Variants in TBX6 observed in about 807,000 individuals in gnomAD.
TBX6 encodes T-box transcription factor TBX6.
Under a neutral mutation model 42.3 loss-of-function variants are expected in TBX6, and 29 were observed. The observed-to-expected ratio is 0.69, with a 90% confidence interval of 0.51 to 0.93. The LOEUF is 0.93. TBX6 is among the 40% of genes least tolerant of loss of function. The pLI is 0.00. For missense variants in TBX6, 569 were observed against 603.3 expected (o/e 0.94, Z 0.59); for synonymous variants, 249 against 245.1 (o/e 1.02, Z -0.15).
At chr16:30,091,385 G>T in intron 1 of TBX6, 144 bp from the exon 2 acceptor site, 1 of 561,912 alleles carries the variant, frequency 1.8e-6, no homozygotes, top group Non-Finnish European at 3.1e-6. Flanking sequence ...TCGGATACCT[G>T]GGTACGGTCC....
chr16:30,091,041 T>TA (rs760907343), intron 2 of TBX6, 35 bp downstream of exon 2: 7 of 1,592,720 alleles, frequency 4.4e-6, no homozygotes, highest in Middle Eastern at 1.7e-4. Context: ...ACAGCCCCCC[T>TA]ATTCTCCTAC....
chr16:30,090,720 A>AC (rs1196234662), intron 3 of TBX6, 38 bp downstream of exon 3: 1 of 1,590,632 alleles, frequency 6.3e-7, no homozygotes, highest in African/African-American at 1.3e-5. Context: ...TTCCCAAGAG[A>AC]CCCCCACCAG....
Position 30,088,083 on chromosome 16 carries a change from C to T in TBX6, c.839+462G>A, listed in dbSNP as rs1156984966. 21 of 216,006 alleles carry T rather than the reference C, an allele frequency of 9.7e-5. No individual in the cohort carries two copies. Among genetic ancestry groups the T allele is most frequent in the South Asian group, 9.6e-4 (17 of 17,752 alleles). The allele number at this position is 216,006 out of a possible 1,614,324, so 13.4% of individuals were successfully genotyped here. A position where few individuals can be genotyped will look rare whatever the true frequency, so the allele number is the denominator to read the frequency against. ...CCTCCCAAGTAGTTGGGATTACAGG[C>T]GTTTGCCACCATGCCTGGCTAATTT... On this transcript the variant is annotated intron_variant, in intron 6 of 8. Coordinates refer to ENST00000395224, the MANE Select transcript of TBX6 (RefSeq NM_004608.4). The surrounding 1 kb of genome is among the most constrained non-coding windows in gnomAD (Gnocchi z 4.1).
rs373581281 is a variant in TBX6 at position 30,088,649 on chromosome 16, G to T, written c.769-34C>A. 2 of 1,614,084 alleles carry T rather than the reference G, an allele frequency of 1.2e-6. No homozygotes were observed. The highest frequency in any genetic ancestry group is 1.7e-5 in the Admixed American group (1 of 60,006). The stretch of plus-strand genomic sequence containing the variant: ...ACACATGCAGGGTCAAAGCAACTGC[G>T]GTCTGGGCAGGGGGCCACCACCCCC... On this transcript the variant is annotated intron_variant, in intron 5 of 8. Coordinates refer to ENST00000395224, the MANE Select transcript of TBX6 (RefSeq NM_004608.4). The surrounding 1 kb of genome is among the most constrained non-coding windows in gnomAD (Gnocchi z 4.1).
rs2151031404 is a variant in TBX6 at position 30,086,762 on chromosome 16, T to G, written c.913+16A>C. 1 of 1,613,862 alleles carries G rather than the reference T, an allele frequency of 6.2e-7. No individual in the cohort carries two copies. Among genetic ancestry groups the G allele is most frequent in the East Asian group, 2.2e-5 (1 of 44,868 alleles). ...TGTCTCAGGCCTGGCCCCATCGCCA[T>G]CGGGACTACACTCACCTCCGCTCCC... On this transcript the variant is annotated intron_variant, in intron 7 of 8. Transcript: ENST00000395224. The surrounding 1 kb of genome is among the most constrained non-coding windows in gnomAD (Gnocchi z 4.6).
chr16:30,085,985 C>G lies in TBX6; in HGVS notation c.*240G>C. On this transcript the variant is annotated 3_prime_UTR_variant, in exon 9 of 9. Transcript: ENST00000395224. ...GGCCAGGCAGAGCCCCTTCCATTCA[C>G]ACGGAGGTGAGAGCCGGGAAGGGGA... The G allele has an allele frequency of 1.9e-6, 1 of 521,492 alleles. No individual in the cohort carries two copies. Among genetic ancestry groups the G allele is most frequent in the Non-Finnish European group, 3.4e-6 (1 of 296,512 alleles). 32.3% of individuals were successfully genotyped at this position (521,492 alleles called of 1,614,324 possible).
In TBX6 at chr16:30,088,549, T is replaced by TA. The variant is rs754292378; in HGVS notation, c.834dup (p.Lys279Ter). The TA allele has an allele frequency of 2.5e-6, 4 of 1,614,126 alleles. No individual in the cohort carries two copies. Among genetic ancestry groups the TA allele is most frequent in the African/African-American group, 1.3e-5 (1 of 74,946 alleles). On this transcript the variant is annotated frameshift_variant, in exon 6 of 9. Coordinates refer to ENST00000395224, the MANE Select transcript of TBX6 (RefSeq NM_004608.4). LOFTEE classifies it high-confidence loss of function. The surrounding 1 kb of genome is among the most constrained non-coding windows in gnomAD (Gnocchi z 4.1). Reference sequence around the variant, plus strand: ...AAATGAATGAACAACTCCCACCTCTTACAGTTTCTGCCGTTCTCCCGGAAG... The same window carrying TA: ...AAATGAATGAACAACTCCCACCTCTTAACAGTTTCTGCCGTTCTCCCGGAAG...
intron 1 of TBX6, 173 bp from the exon 2 acceptor site, chr16:30,091,414 C>T (rs746333514): frequency 2.0e-6 from 1 of 498,196 alleles, no homozygotes; most frequent in African/African-American, 2.0e-5. Flanking sequence ...CCTCCCTCCC[C>T]ACCCCGGGAG....
chr16:30,091,344 C>T (rs1371732391), intron 1 of TBX6, 103 bp from the exon 2 acceptor site: 3 of 674,182 alleles, frequency 4.4e-6, no homozygotes, highest in East Asian at 5.8e-5. Flanking sequence ...GGGTGGAGAC[C>T]CCTGGGGCCT....
chr16:30,090,900 G>C lies in TBX6; in HGVS notation c.211C>G (p.Pro71Ala). The change falls in exon 3 of 9, where the codon CCT becomes GCT. Residue 71 changes from proline to alanine, a missense_variant. Coordinates refer to ENST00000395224, the MANE Select transcript of TBX6 (RefSeq NM_004608.4). ...AAHPPLPLLP[P>A]AMGTEPAPSA... is the part of the protein sequence containing the mutation. Reference sequence around the variant, plus strand: ...GGGGCCGGCTCAGTGCCCATGGCAGGGGGCAGAAGGGGCAGAGGTGGGTGC... The same window carrying C: ...GGGGCCGGCTCAGTGCCCATGGCAGCGGGCAGAAGGGGCAGAGGTGGGTGC... The C allele has an allele frequency of 6.2e-7, 1 of 1,611,258 alleles. No individual in the cohort carries two copies. Among genetic ancestry groups the C allele is most frequent in the Non-Finnish European group, 8.5e-7 (1 of 1,178,582 alleles).
chr16:30,087,726 A>C (rs1177877621), intron 6 of TBX6, among the ~76,000 whole-genome samples: 1 of 150,910 alleles, frequency 6.6e-6, no homozygotes, highest in African/African-American at 2.4e-5. Context: ...TGCTGTTCCC[A>C]CTCCCTAGTG....
chr16:30,088,461 G>C lies in TBX6; in HGVS notation c.839+84C>G. The stretch of plus-strand genomic sequence containing the variant: ...TGTTTTCACTTACCACTGCATTTCT[G>C]ATGTCCAGCACGGTGCCTGGCACAC... On this transcript the variant is annotated intron_variant, in intron 6 of 8. Coordinates refer to ENST00000395224, the MANE Select transcript of TBX6 (RefSeq NM_004608.4). The surrounding 1 kb of genome is among the most constrained non-coding windows in gnomAD (Gnocchi z 4.1). 1 of 1,576,394 alleles carries C rather than the reference G, an allele frequency of 6.3e-7. No homozygotes were observed. The highest frequency in any genetic ancestry group is 2.2e-5 in the East Asian group (1 of 44,676).
At position 30,089,030 on chromosome 16, in the gene TBX6, A is replaced by C. The variant is rs757541186; in HGVS notation, c.534T>G (p.Ser178=). The part of the protein sequence containing the change: ...LPDRVYIHPD[S]PATGAHWMRQ... Reference sequence around the variant, plus strand: ...GCATCCAATGTGCACCAGTGGCAGGAGAGTCGGGGTGAATGTAGACACGGT... The same window carrying C: ...GCATCCAATGTGCACCAGTGGCAGGCGAGTCGGGGTGAATGTAGACACGGT... The change falls in exon 4 of 9, where the codon TCT becomes TCG. Residue 178 remains serine (S), a synonymous_variant. Coordinates refer to ENST00000395224, the MANE Select transcript of TBX6 (RefSeq NM_004608.4). The C allele has an allele frequency of 6.2e-7, 1 of 1,613,844 alleles. No individual in the cohort carries two copies. Among genetic ancestry groups the C allele is most frequent in the Admixed American group, 1.7e-5 (1 of 60,024 alleles).
rs563504411 is a variant in TBX6 at position 30,086,292 on chromosome 16, C to T, written c.1244G>A (p.Gly415Asp). ...VPFAPHFLQGGPFPLPYTAPG... is the reference protein window; with the variant it reads ...VPFAPHFLQGDPFPLPYTAPG... ...CGCGGTGTATGGTAGAGGGAAGGGG[C>T]CCCCTTGGAGAAAGTGCGGGGCAAA... The change falls in exon 9 of 9, where the codon GGC (glycine) becomes GAC (aspartate). Residue 415 changes from glycine to aspartate, a missense_variant. Physicochemically the swap from Gly to Asp is moderately conservative, Grantham distance 94. Coordinates refer to ENST00000395224, the MANE Select transcript of TBX6 (RefSeq NM_004608.4). This position sits in a 1 kb window ranked among gnomAD's most constrained non-coding sequence, Gnocchi z 4.6. The T allele has an allele frequency of 1.2e-6, 2 of 1,611,366 alleles. No homozygotes were observed. Among genetic ancestry groups the T allele is most frequent in the Admixed American group, 1.7e-5 (1 of 59,612 alleles).
chr16:30,088,884 C>A lies in TBX6; in HGVS notation c.622-45G>T, dbSNP rs759406976. On this transcript the variant is annotated intron_variant, in intron 4 of 8. Transcript: ENST00000395224. This position sits in a 1 kb window ranked among gnomAD's most constrained non-coding sequence, Gnocchi z 4.1. The stretch of plus-strand genomic sequence containing the variant: ...AGTGATTCCCTGCCCTGCGCCTCAC[C>A]CTTGGCCTCCCTTCCAGCACCCCCC... 2.6e-5 allele frequency: 41 copies of A among 1,605,188 alleles called. No individual in the cohort carries two copies. The South Asian group carries it at 3.9e-4, about 15-fold the overall frequency.
Position 30,089,124 on chromosome 16 carries a change from TC to T in TBX6, c.439del (p.Asp147MetfsTer62). ...YLFLLDVIPV[D>X]GARYRWQGRR... ...GCCCTGCCAGCGGTAGCGAGCCCCATCCACCGGAATCACATCCAGAAGAAAC... is the reference window on the plus strand; with the variant it reads ...GCCCTGCCAGCGGTAGCGAGCCCCATCACCGGAATCACATCCAGAAGAAAC... On this transcript the variant is annotated frameshift_variant, in exon 4 of 9. Coordinates refer to ENST00000395224, the MANE Select transcript of TBX6 (RefSeq NM_004608.4). LOFTEE classifies it high-confidence loss of function. 6.2e-7 allele frequency: 1 copy of T among 1,613,992 alleles called. No individual in the cohort carries two copies. Among genetic ancestry groups the T allele is most frequent in the South Asian group, 1.1e-5 (1 of 91,078 alleles).
At chr16:30,090,108 G>A (rs74717448) in intron 3 of TBX6, among the ~76,000 whole-genome samples, 2 of 152,100 alleles carry the variant, frequency 1.3e-5, no homozygotes, top group African/African-American at 2.4e-5. Flanking sequence ...CAGAAGCAGG[G>A]GTGACTAACT....
intron 2 of TBX6, 29 bp downstream of exon 2, chr16:30,091,047 C>T: frequency 6.3e-7 from 1 of 1,591,006 alleles, no homozygotes; most frequent in Non-Finnish European, 8.6e-7. Flanking sequence ...CCCCTATTCT[C>T]CTACCCAGGA....
chr16:30,085,986 A>ACGGAGGTGAGAGC lies in TBX6; in HGVS notation c.*226_*238dup, dbSNP rs2072619368. ...GCCAGGCAGAGCCCCTTCCATTCAC[A>ACGGAGGTGAGAGC]CGGAGGTGAGAGCCGGGAAGGGGAA... On this transcript the variant is annotated 3_prime_UTR_variant, in exon 9 of 9. Transcript: ENST00000395224. 1 of 516,792 alleles carries ACGGAGGTGAGAGC rather than the reference A, an allele frequency of 1.9e-6. No individual in the cohort carries two copies. Among genetic ancestry groups the ACGGAGGTGAGAGC allele is most frequent in the African/African-American group, 2.0e-5 (1 of 50,232 alleles). 32.0% of individuals were successfully genotyped at this position (516,792 alleles called of 1,614,324 possible). A position where few individuals can be genotyped will look rare whatever the true frequency, so the allele number is the denominator to read the frequency against.
Sources: allele counts gnomAD v4.1 joint callset (sites outside exome capture counted in the v4.1 genomes callset), GRCh38; gene constraint gnomAD v4.1.1; non-coding constraint Gnocchi (gnomAD v3.1); transcripts MANE v1.5; gene names NCBI Gene and HGNC (gene_info 2026-07-23, HGNC 2026-07-21).